Variants in HOOK1 observed in about 807,000 individuals in gnomAD.
HOOK1 encodes protein Hook homolog 1.
HOOK1 carries 60 observed loss-of-function variants against 112.8 expected under a neutral mutation model. That is an observed-to-expected ratio of 0.53 (90% CI 0.43 to 0.66). HOOK1 has a LOEUF of 0.66. Ranked by LOEUF, HOOK1 falls within the 30% of genes least tolerant of loss-of-function variation. The probability of loss-of-function intolerance (pLI) is 0.00; values close to 1 mark genes in which losing one functional copy is unlikely to be tolerated. For synonymous variants in HOOK1, 294 were observed against 283.8 expected, an observed-to-expected ratio of 1.04 and a Z score of -0.36; for missense variants, 770 against 856.0, an observed-to-expected ratio of 0.90 and a Z score of 1.25.
At chr1:59,842,046 A>G (rs966971793) in intron 8 of HOOK1, among the ~76,000 whole-genome samples, 2 of 152,106 alleles carry the variant, frequency 1.3e-5, no homozygotes, top group African/African-American at 4.8e-5. Context: ...ATTGAAGCAT[A>G]TGGATAGGAG....
At chr1:59,852,619 G>T (rs1305085370) in intron 12 of HOOK1, among the ~76,000 whole-genome samples, 1 of 146,582 alleles carries the variant, frequency 6.8e-6, no homozygotes, top group Non-Finnish European at 1.5e-5. Flanking sequence ...TTTAAAATTT[G>T]TTTTCTATTC....
chr1:59,869,940 T>A (rs1455628148), intron 20 of HOOK1, among the ~76,000 whole-genome samples: 1 of 152,230 alleles, frequency 6.6e-6, no homozygotes, highest in Non-Finnish European at 1.5e-5. Flanking sequence ...TTGGTACATG[T>A]GGACGTGTCT....
intron 8 of HOOK1, among the ~76,000 whole-genome samples, chr1:59,842,041 A>C (rs2098401269): frequency 6.6e-6 from 1 of 152,120 alleles, no homozygotes; most frequent in Admixed American, 6.6e-5. Context: ...GCCACATTGA[A>C]GCATATGGAT....
chr1:59,858,953 G>T, intron 13 of HOOK1, 32 bp from the exon 14 acceptor site: 2 of 1,318,948 alleles, frequency 1.5e-6, no homozygotes, highest in South Asian at 1.2e-5. Flanking sequence ...TTGAAATACT[G>T]AAATGCTAAT....
At chr1:59,865,129 A>G (rs1374034897) in intron 17 of HOOK1, 34 bp from the exon 18 acceptor site, 1 of 1,295,456 alleles carries the variant, frequency 7.7e-7, no homozygotes, top group Non-Finnish European at 1.1e-6. Context: ...GTTATATGGC[A>G]GAGACCAGTC....
In HOOK1 at chr1:59,854,743, T is replaced by G. The variant is rs1438663825; in HGVS notation, c.1243-3685T>G. On this transcript the variant is annotated intron_variant, in intron 12 of 21. Coordinates refer to ENST00000371208, the MANE Select transcript of HOOK1 (RefSeq NM_015888.6). ...TCGCTTTGCCCTTGGCTTTCAGCAG[T>G]TTGACTTTGATATATCCAGGTGTGT... Among the ~76,000 whole-genome samples the G allele has an allele frequency of 2.6e-5, 4 of 152,366 alleles. No homozygotes were observed. The East Asian group carries it at 7.7e-4, about 29-fold the overall frequency.
At chr1:59,867,643 T>C (rs1643989803) in intron 19 of HOOK1, among the ~76,000 whole-genome samples, 2 of 152,210 alleles carry the variant, frequency 1.3e-5, no homozygotes, top group Admixed American at 6.5e-5. Context: ...ATAGTTTAGC[T>C]GAATCTCTTT....
At chr1:59,823,590 G>A (rs2098387531) in intron 2 of HOOK1, among the ~76,000 whole-genome samples, 1 of 152,184 alleles carries the variant, frequency 6.6e-6, no homozygotes, top group Non-Finnish European at 1.5e-5. Flanking sequence ...ATTCAGAGCT[G>A]TCCTTTCTAT....
In HOOK1 at chr1:59,853,693, T is replaced by G. The variant is rs149518460; in HGVS notation, c.1242+4510T>G. ...CTACTACTGCCTTTTGTGTTAGACA[T>G]TTTCAATACACCAGTTTAGTTCCTT... On this transcript the variant is annotated intron_variant, in intron 12 of 21. Transcript: ENST00000371208. Among the ~76,000 whole-genome samples, 718 of 152,036 alleles carry G rather than the reference T, an allele frequency of 4.7e-3. 3 individuals are homozygous for G. Among genetic ancestry groups the G allele is most frequent in the African/African-American group, 0.016 (683 of 41,508 alleles).
chr1:59,833,367 G>T (rs542543055), intron 4 of HOOK1, 38 bp from the exon 5 acceptor site: 6 of 1,393,576 alleles, frequency 4.3e-6, no homozygotes, highest in South Asian at 3.8e-5. Flanking sequence ...CTTTGCAGCC[G>T]ACATAAATGA....
At chr1:59,842,829 A>T (rs1237676210) in intron 8 of HOOK1, among the ~76,000 whole-genome samples, 2 of 152,110 alleles carry the variant, frequency 1.3e-5, no homozygotes, top group African/African-American at 4.8e-5. Context: ...TGAATAAAAA[A>T]AATTGCTCCA....
At chr1:59,842,291 C>T (rs1447459837) in intron 8 of HOOK1, among the ~76,000 whole-genome samples, 1 of 152,062 alleles carries the variant, frequency 6.6e-6, no homozygotes, top group African/African-American at 2.4e-5. Flanking sequence ...TAATTGTTTA[C>T]ATTTCTACTG....
At chr1:59,838,521 C>T (rs1280488452) in intron 7 of HOOK1, among the ~76,000 whole-genome samples, 5 of 152,208 alleles carry the variant, frequency 3.3e-5, no homozygotes, top group Non-Finnish European at 5.9e-5. Context: ...TTTTGAGACA[C>T]TTTGCCCATT....
chr1:59,850,347 T>G (rs1014193826), intron 12 of HOOK1, among the ~76,000 whole-genome samples: 22 of 151,464 alleles, frequency 1.5e-4, no homozygotes, highest in Non-Finnish European at 2.5e-4. Context: ...ATGATATAGT[T>G]TGCAGCACCA....
At chr1:59,841,566 C>T in intron 8 of HOOK1, among the ~76,000 whole-genome samples, 1 of 152,092 alleles carries the variant, frequency 6.6e-6, no homozygotes, top group South Asian at 2.1e-4. Flanking sequence ...AATCTGTTCT[C>T]CTTCGCACCT....
intron 15 of HOOK1, among the ~76,000 whole-genome samples, 165 bp from the exon 16 acceptor site, chr1:59,862,619 A>C (rs41312742): frequency 0.013 from 1,999 of 152,306 alleles, 19 homozygotes; most frequent in Non-Finnish European, 0.02. Context: ...TCTTAGAAGT[A>C]GCCTGCCCTA....
intron 19 of HOOK1, among the ~76,000 whole-genome samples, 182 bp downstream of exon 19, chr1:59,866,154 A>T (rs1643959974): frequency 6.6e-6 from 1 of 152,144 alleles, no homozygotes; most frequent in Non-Finnish European, 1.5e-5. Flanking sequence ...AGTCTCACTC[A>T]TCAGTGTCAG....
intron 1 of HOOK1, among the ~76,000 whole-genome samples, 166 bp from the exon 2 acceptor site, chr1:59,821,692 A>T (rs2098385757): frequency 6.6e-6 from 1 of 152,058 alleles, no homozygotes; most frequent in Admixed American, 6.6e-5. Context: ...CCATAGAGAC[A>T]TATTAGCATA....
chr1:59,855,453 A>G (rs1432023112), intron 12 of HOOK1, among the ~76,000 whole-genome samples: 1 of 152,160 alleles, frequency 6.6e-6, no homozygotes, highest in Non-Finnish European at 1.5e-5. Context: ...GTTCCTGCAA[A>G]AGACATGATC....
Sources: gnomAD v4.1 joint callset for allele counts (sites outside exome capture counted in the v4.1 genomes callset) on GRCh38, gnomAD v4.1.1 for gene constraint, MANE v1.5 for transcripts, NCBI Gene and HGNC (gene_info 2026-07-23, HGNC 2026-07-21) for gene names.